CLCN4: variants seen among roughly 807,000 people sequenced by gnomAD.
CLCN4 encodes H(+)/Cl(-) exchange transporter 4.
CLCN4 carries 1 observed loss-of-function variant against 41.7 expected under a neutral mutation model. That is an observed-to-expected ratio of 0.02 (90% CI 0.01 to 0.11). The LOEUF (loss-of-function observed/expected upper bound fraction) is 0.11. Among genes scored for constraint, CLCN4 ranks in the 10% least tolerant of loss-of-function variants. The pLI, the probability that CLCN4 is intolerant of heterozygous loss-of-function variation, is 1.00. For synonymous variants in CLCN4, 277 were observed against 285.8 expected (o/e 0.97, Z 0.31); for missense variants, 287 against 661.0 (o/e 0.43, Z 6.20).
At chrX:10,190,333 G>T (rs1033887822) in intron 4 of CLCN4, among the ~76,000 whole-genome samples, 1 of 111,593 alleles carries the variant, frequency 9.0e-6, no homozygotes, top group African/African-American at 3.3e-5. Flanking sequence ...TAATTAGCTC[G>T]ATCAAGTCTT....
chrX:10,208,941 A>G (rs1278191282), intron 9 of CLCN4, among the ~76,000 whole-genome samples: 7 of 111,711 alleles, frequency 6.3e-5, no homozygotes, highest in Admixed American at 5.7e-4. Context: ...GCCGCTGGCC[A>G]GGTGATGCCA....
chrX:10,179,727 T>G (rs1447965174), intron 2 of CLCN4, among the ~76,000 whole-genome samples: 5 of 111,747 alleles, frequency 4.5e-5, no homozygotes, highest in African/African-American at 6.5e-5. Flanking sequence ...TGAAACATGA[T>G]TTTCATTTTA....
At chrX:10,190,189 G>T (rs747319072) in intron 4 of CLCN4, among the ~76,000 whole-genome samples, 1 of 111,497 alleles carries the variant, frequency 9.0e-6, no homozygotes, top group Non-Finnish European at 1.9e-5. Context: ...TAATGATCAT[G>T]TATTGTATAT....
At position 10,158,356 on chromosome X, in the gene CLCN4, G is replaced by T; in HGVS notation, c.-207G>T. The T allele has an allele frequency of 3.4e-6, 1 of 294,660 alleles. No individual in the cohort carries two copies. Among genetic ancestry groups the T allele is most frequent in the South Asian group, 2.0e-4 (1 of 4,911 alleles). The allele number at this position is 294,660 out of a possible 1,213,427, so 24.3% of individuals were successfully genotyped here. A position where few individuals can be genotyped will look rare whatever the true frequency, so the allele number is the denominator to read the frequency against. On this transcript the variant is annotated 5_prime_UTR_variant, in exon 2 of 13. Transcript: ENST00000380833. Reference sequence around the variant, plus strand: ...GCCAGCGCGAGGGTTTCTGGCCATCGACCCTCACCTCCCGGGACTTCCAGG... The same window carrying T: ...GCCAGCGCGAGGGTTTCTGGCCATCTACCCTCACCTCCCGGGACTTCCAGG...
chrX:10,217,878 G>T lies in CLCN4; in HGVS notation c.1976-2783G>T, dbSNP rs186385565. 7.6e-4 allele frequency among the ~76,000 whole-genome samples: 84 copies of T among 110,689 alleles called. 1 individual carries two copies. The East Asian group carries it at 0.022, about 29-fold the overall frequency. On this transcript the variant is annotated intron_variant, in intron 11 of 12. Coordinates refer to ENST00000380833, the MANE Select transcript of CLCN4 (RefSeq NM_001830.4). The stretch of plus-strand genomic sequence containing the variant: ...CTGCCTCAGCCTCCCGAGTAGATGG[G>T]ACTACAGGCGCATGCCACCAGGCGT...
Position 10,234,876 on chromosome X carries a change from A to G in CLCN4, c.*1292A>G, listed in dbSNP as rs1185425168. 8.9e-6 allele frequency: 1 copy of G among 112,248 alleles called. No individual in the cohort carries two copies. The highest frequency in any genetic ancestry group is 2.8e-4 in the East Asian group (1 of 3,595). 9.3% of individuals were successfully genotyped at this position (112,248 alleles called of 1,213,427 possible). On this transcript the variant is annotated 3_prime_UTR_variant, in exon 13 of 13. Coordinates refer to ENST00000380833, the MANE Select transcript of CLCN4 (RefSeq NM_001830.4). Reference sequence around the variant, plus strand: ...TCTGCGGGAAGGAATTAAGCTATGTATTAGGTCCACCATACGATCTGTGTA... The same window carrying G: ...TCTGCGGGAAGGAATTAAGCTATGTGTTAGGTCCACCATACGATCTGTGTA...
intron 2 of CLCN4, among the ~76,000 whole-genome samples, chrX:10,178,712 C>T (rs1434374207): frequency 1.8e-5 from 2 of 111,568 alleles, no homozygotes; most frequent in Non-Finnish European, 3.8e-5. Context: ...GAATGGGAAT[C>T]TATGTAGTAG....
intron 11 of CLCN4, among the ~76,000 whole-genome samples, chrX:10,219,048 A>G (rs756467761): frequency 8.8e-6 from 1 of 113,032 alleles, no homozygotes; most frequent in African/African-American, 3.2e-5. Context: ...CTGGGAGTGC[A>G]CTGGTGAGCA....
chrX:10,205,484 A>AG (rs1393747734), intron 6 of CLCN4, among the ~76,000 whole-genome samples: 2 of 107,583 alleles, frequency 1.9e-5, no homozygotes, highest in Non-Finnish European at 3.8e-5. Context: ...AAAAAAAAAA[A>AG]AAAAAAGAAA....
At chrX:10,224,000 T>G (rs1045996589) in intron 12 of CLCN4, among the ~76,000 whole-genome samples, 3 of 112,062 alleles carry the variant, frequency 2.7e-5, no homozygotes, top group Non-Finnish European at 5.6e-5. Flanking sequence ...GGACATTTCA[T>G]GCCACTAACG....
intron 2 of CLCN4, among the ~76,000 whole-genome samples, chrX:10,161,588 GA>G (rs1217964382): frequency 6.3e-5 from 7 of 111,752 alleles, no homozygotes; most frequent in Admixed American, 5.7e-4. Context: ...GCTTTGATGT[GA>G]CTGGCTATTA....
chrX:10,202,793 A>G (rs1924275645), intron 6 of CLCN4, among the ~76,000 whole-genome samples: 1 of 110,708 alleles, frequency 9.0e-6, no homozygotes, highest in South Asian at 3.8e-4. Context: ...GAGAAATCAT[A>G]CCCTCTCAGA....
intron 3 of CLCN4, among the ~76,000 whole-genome samples, chrX:10,185,960 C>G (rs1383036859): frequency 2.7e-5 from 3 of 111,378 alleles, no homozygotes; most frequent in Non-Finnish European, 5.7e-5. Flanking sequence ...GTCCAGGAGA[C>G]CGAAGGCAGT....
At chrX:10,165,525 T>A (rs1002243346) in intron 2 of CLCN4, among the ~76,000 whole-genome samples, 1 of 111,272 alleles carries the variant, frequency 9.0e-6, no homozygotes, top group Admixed American at 9.4e-5. Context: ...CAACGCTGTG[T>A]TTCCTTATGG....
chrX:10,192,262 C>A (rs1429947474), intron 4 of CLCN4, among the ~76,000 whole-genome samples: 1 of 109,814 alleles, frequency 9.1e-6, no homozygotes, highest in African/African-American at 3.4e-5. Context: ...CACACACACA[C>A]ACACACACAC....
At chrX:10,212,015 C>T (rs149966828) in intron 9 of CLCN4, among the ~76,000 whole-genome samples, 1,212 of 111,912 alleles carry the variant, frequency 0.011, 44 homozygotes, top group Admixed American at 0.097. Context: ...CAATGATGGA[C>T]TTAGCTTCTT....
intron 6 of CLCN4, among the ~76,000 whole-genome samples, chrX:10,205,625 T>G (rs1265568934): frequency 1.0e-5 from 1 of 99,181 alleles, no homozygotes; most frequent in African/African-American, 4.0e-5. Context: ...TTTTTTTTTT[T>G]GAAACAGGAT....
intron 2 of CLCN4, among the ~76,000 whole-genome samples, chrX:10,178,155 C>T (rs1311704920): frequency 9.6e-6 from 1 of 104,090 alleles, no homozygotes; most frequent in Non-Finnish European, 2.0e-5. Flanking sequence ...GAAGTGATTG[C>T]TAATGGGTAG....
At chrX:10,225,515 T>C (rs898861022) in intron 12 of CLCN4, among the ~76,000 whole-genome samples, 2 of 112,282 alleles carry the variant, frequency 1.8e-5, no homozygotes, top group African/African-American at 6.5e-5. Context: ...GATGGATAGA[T>C]TGCAAAATTT....
Sources: gnomAD v4.1 joint callset for allele counts (sites outside exome capture counted in the v4.1 genomes callset) on GRCh38, gnomAD v4.1.1 for gene constraint, MANE v1.5 for transcripts, NCBI Gene and HGNC (gene_info 2026-07-23, HGNC 2026-07-21) for gene names.